Variants in PJA2 observed in about 807,000 individuals in gnomAD.
PJA2 encodes the protein praja ring finger ubiquitin ligase 2.
In PJA2, 25 loss-of-function variants were observed where a neutral mutation model predicts 69.3. That is an observed-to-expected ratio of 0.36 (90% CI 0.26 to 0.50). The LOEUF (loss-of-function observed/expected upper bound fraction) is 0.50, where lower values mean the gene tolerates loss of function less well. Ranked by LOEUF, PJA2 falls within the 20% of genes least tolerant of loss-of-function variation. PJA2 has a pLI of 0.96. For missense variants in PJA2, 809 were observed against 830.2 expected (o/e 0.97, Z 0.31); for synonymous variants, 308 against 277.8 (o/e 1.11, Z -1.08).
Position 109,337,205 on chromosome 5 carries a change from A to G in PJA2, c.*26T>C. 6.2e-7 allele frequency: 1 copy of G among 1,609,708 alleles called. No homozygotes were observed. The highest frequency in any genetic ancestry group is 8.5e-7 in the Non-Finnish European group (1 of 1,178,406). ...GGAATTTGCAGATTTACTTTGATAC[A>G]CTGATCTCATTTCAACTGTCAAGGT... On this transcript the variant is annotated 3_prime_UTR_variant, in exon 10 of 10. Coordinates refer to ENST00000361189, the MANE Select transcript of PJA2 (RefSeq NM_014819.5).
rs567563999 is a variant in PJA2 at position 109,366,529 on chromosome 5, A to G, written c.1469+2032T>C. On this transcript the variant is annotated intron_variant, in intron 5 of 9. Transcript: ENST00000361189. ...CAATTCTAAAGAGACGTCATCCCTG[A>G]CCACTTTAATATCTTCATCATTTAC... 3.9e-5 allele frequency among the ~76,000 whole-genome samples: 6 copies of G among 152,326 alleles called. No homozygotes were observed. In the South Asian group the frequency reaches 1.0e-3, roughly 26 times the overall value.
chr5:109,352,119 G>A (rs1268796876), intron 7 of PJA2, among the ~76,000 whole-genome samples: 1 of 152,130 alleles, frequency 6.6e-6, no homozygotes, highest in East Asian at 1.9e-4. Flanking sequence ...AGACTGGTAG[G>A]AATAATGCCA....
chr5:109,341,206 C>T (rs1416757100), intron 9 of PJA2, among the ~76,000 whole-genome samples: 41 of 138,692 alleles, frequency 3.0e-4, no homozygotes, highest in Non-Finnish European at 3.9e-4. Flanking sequence ...AGCGCCTCTT[C>T]CCAGCCGCCA....
intron 9 of PJA2, among the ~76,000 whole-genome samples, chr5:109,341,542 G>A (rs1762057820): frequency 2.1e-5 from 3 of 141,864 alleles, no homozygotes; most frequent in Non-Finnish European, 4.7e-5. Flanking sequence ...CCGTCCGGGA[G>A]GGAGGTGGGG....
At chr5:109,343,561 A>C (rs1031368985) in intron 9 of PJA2, among the ~76,000 whole-genome samples, 3 of 152,230 alleles carry the variant, frequency 2.0e-5, no homozygotes, top group African/African-American at 7.2e-5. Context: ...TGAAAACACC[A>C]AATTTCAGGG....
rs199691120 is a variant in PJA2, at chr5:109,354,477, ATAGAT to A, written c.1764+1433_1764+1437del. On this transcript the variant is annotated intron_variant, in intron 7 of 9. Coordinates refer to ENST00000361189, the MANE Select transcript of PJA2 (RefSeq NM_014819.5). ...ATATCTATGATATCTAGAGATATCT[ATAGAT>A]TAGATATCTATAATATCATAGATAT... 5.1e-3 allele frequency among the ~76,000 whole-genome samples: 465 copies of A among 90,692 alleles called. 51 individuals carry two copies. The highest frequency in any genetic ancestry group is 0.039 in the Admixed American group (354 of 9,058). The allele number at this position is 90,692 out of a possible 152,430, so 59.5% of individuals were successfully genotyped here. A position where few individuals can be genotyped will look rare whatever the true frequency, so the allele number is the denominator to read the frequency against.
intron 1 of PJA2, among the ~76,000 whole-genome samples, chr5:109,387,053 C>T (rs911451119): frequency 7.2e-5 from 11 of 152,086 alleles, no homozygotes; most frequent in African/African-American, 2.4e-4. Context: ...ATGGGTTAAT[C>T]ATTTGTCTCT....
intron 1 of PJA2, among the ~76,000 whole-genome samples, chr5:109,385,478 T>C (rs527789143): frequency 3.3e-5 from 5 of 152,180 alleles, no homozygotes; most frequent in Admixed American, 2.0e-4. Context: ...GGAAAAATTG[T>C]GGAAGAGCCA....
intron 6 of PJA2, among the ~76,000 whole-genome samples, chr5:109,361,818 A>G (rs1193327229): frequency 2.0e-5 from 3 of 152,180 alleles, no homozygotes. Context: ...TTCTCCACAC[A>G]TTTTTTTCCC....
chr5:109,405,815 C>T (rs1364114471), intron 1 of PJA2, among the ~76,000 whole-genome samples: 2 of 152,082 alleles, frequency 1.3e-5, no homozygotes, highest in Non-Finnish European at 2.9e-5. Context: ...ATCTGCACAA[C>T]TTTGCATTAA....
intron 1 of PJA2, 112 bp from the exon 2 acceptor site, chr5:109,383,632 T>C (rs1301587181): frequency 2.1e-5 from 10 of 471,742 alleles, no homozygotes; most frequent in African/African-American, 2.0e-5. Context: ...AAAAATACAA[T>C]GTGATGTAGC....
At chr5:109,343,492 G>C (rs1762121561) in intron 9 of PJA2, among the ~76,000 whole-genome samples, 1 of 151,924 alleles carries the variant, frequency 6.6e-6, no homozygotes, top group African/African-American at 2.4e-5. Flanking sequence ...TAGCAGAATA[G>C]CTGTATATTG....
chr5:109,384,504 GGTTAA>G (rs1009150494), intron 1 of PJA2, among the ~76,000 whole-genome samples: 8 of 152,090 alleles, frequency 5.3e-5, no homozygotes, highest in East Asian at 1.9e-4. Context: ...TTGAAAGTTT[GGTTAA>G]GTTTTTATTT....
At chr5:109,392,453 C>T (rs1238743209) in intron 1 of PJA2, among the ~76,000 whole-genome samples, 2 of 148,910 alleles carry the variant, frequency 1.3e-5, no homozygotes, top group Admixed American at 6.8e-5. Flanking sequence ...CCCAGCTACT[C>T]GGGAGGCTGA....
At chr5:109,360,644 A>T (rs1196172741) in intron 6 of PJA2, among the ~76,000 whole-genome samples, 1 of 152,202 alleles carries the variant, frequency 6.6e-6, no homozygotes, top group Non-Finnish European at 1.5e-5. Context: ...GTTGACATAG[A>T]GCAACCTTCA....
chr5:109,387,173 A>G (rs1582620859), intron 1 of PJA2, among the ~76,000 whole-genome samples: 1 of 152,070 alleles, frequency 6.6e-6, no homozygotes, highest in East Asian at 1.9e-4. Context: ...CTCTGTAACA[A>G]TCTTTTTAAT....
chr5:109,348,936 T>A (rs1156775185), intron 7 of PJA2, among the ~76,000 whole-genome samples: 1 of 152,224 alleles, frequency 6.6e-6, no homozygotes, highest in African/African-American at 2.4e-5. Context: ...CCATTTCTAT[T>A]TCAATATGCC....
rs190892869 is a variant in PJA2 at position 109,339,001 on chromosome 5, C to T, written c.2002-1645G>A. 2.6e-5 allele frequency among the ~76,000 whole-genome samples: 4 copies of T among 152,306 alleles called. No homozygotes were observed. The East Asian group carries it at 7.7e-4, about 29-fold the overall frequency. ...CAGAAAAGGTGGAATTTAAACTGCA[C>T]CTACCTATATCATCTAATCTTACAG... is the stretch of plus-strand genomic sequence containing the variant. On this transcript the variant is annotated intron_variant, in intron 9 of 9. Transcript: ENST00000361189.
chr5:109,341,431 C>A (rs1361927515), intron 9 of PJA2, among the ~76,000 whole-genome samples: 2 of 139,444 alleles, frequency 1.4e-5, no homozygotes, highest in African/African-American at 2.7e-5. Context: ...AAGTGAGGAG[C>A]CCCTCCGCCC....
Sources: allele counts gnomAD v4.1 joint callset (sites outside exome capture counted in the v4.1 genomes callset), GRCh38; gene constraint gnomAD v4.1.1; transcripts MANE v1.5; gene names NCBI Gene and HGNC (gene_info 2026-07-23, HGNC 2026-07-21).